SLC25A21: variants seen among roughly 807,000 people sequenced by gnomAD.
SLC25A21 encodes the protein mitochondrial 2-oxodicarboxylate carrier.
A neutral mutation model predicts 43.8 loss-of-function variants in SLC25A21; 47 were observed. The observed-to-expected ratio is 1.07, with a 90% CI of 0.85 to 1.37. The LOEUF is 1.37. Ranked by LOEUF, SLC25A21 falls within the 40% of genes most tolerant of loss-of-function variation. The pLI, the probability that SLC25A21 is intolerant of heterozygous loss-of-function variation, is 0.00. For missense variants in SLC25A21, 352 were observed against 350.2 expected (o/e 1.00, Z -0.04); for synonymous variants, 131 against 121.3 (o/e 1.08, Z -0.52).
chr14:36,783,037 C>G (rs1178948623), intron 3 of SLC25A21, among the ~76,000 whole-genome samples: 1 of 151,690 alleles, frequency 6.6e-6, no homozygotes, highest in African/African-American at 2.4e-5. Context: ...TGCATGCCTT[C>G]CCTTGATCCT....
chr14:36,908,919 G>C (rs534103643), intron 1 of SLC25A21, among the ~76,000 whole-genome samples: 2 of 152,146 alleles, frequency 1.3e-5, no homozygotes, highest in Non-Finnish European at 2.9e-5. Flanking sequence ...TGAGTCTCAG[G>C]GCTTCAGTGA....
intron 1 of SLC25A21, among the ~76,000 whole-genome samples, chr14:36,971,040 C>A (rs998194797): frequency 1.3e-5 from 2 of 152,080 alleles, no homozygotes; most frequent in African/African-American, 4.8e-5. Flanking sequence ...GATAAATAAG[C>A]AAATAAAGCT....
rs957077229 is a variant in SLC25A21, at chr14:36,874,542, C to T, written c.119+414G>A. Among the ~76,000 whole-genome samples the T allele has an allele frequency of 2.6e-5, 4 of 152,234 alleles. No homozygotes were observed. In the East Asian group the frequency reaches 7.7e-4, roughly 29 times the overall value. On this transcript the variant is annotated intron_variant, in intron 2 of 9. Transcript: ENST00000331299. ...GTAATAGGAATAAATTCTTTAAGCA[C>T]TATGTAAAAAGCTTACTTGAAATTT...
At chr14:37,016,205 G>T (rs1172732130) in intron 1 of SLC25A21, among the ~76,000 whole-genome samples, 3 of 152,086 alleles carry the variant, frequency 2.0e-5, no homozygotes, top group Non-Finnish European at 2.9e-5. Context: ...AATCCATCTT[G>T]AATTAATTTT....
chr14:36,844,194 C>G (rs754985748), intron 2 of SLC25A21, among the ~76,000 whole-genome samples: 24 of 152,170 alleles, frequency 1.6e-4, no homozygotes, highest in African/African-American at 2.7e-4. Context: ...GCATGCTAAT[C>G]CAGCATTAAT....
chr14:36,979,347 G>C lies in SLC25A21; in HGVS notation c.71-104343C>G, dbSNP rs1038639831. Among the ~76,000 whole-genome samples, 4 of 124,446 alleles carry C rather than the reference G, an allele frequency of 3.2e-5. No homozygotes were observed. The East Asian group carries it at 7.9e-4, about 25-fold the overall frequency. 81.6% of individuals were successfully genotyped at this position (124,446 alleles called of 152,430 possible). On this transcript the variant is annotated intron_variant, in intron 1 of 9. Coordinates refer to ENST00000331299, the MANE Select transcript of SLC25A21 (RefSeq NM_030631.4). ...TGTTTTTTTGGTTTTTTTTTTTACT[G>C]TTTTTGTTTGTTTGTTTGTTTGTTT...
chr14:36,964,976 C>G (rs907046605), intron 1 of SLC25A21, among the ~76,000 whole-genome samples: 1 of 151,990 alleles, frequency 6.6e-6, no homozygotes, highest in East Asian at 1.9e-4. Flanking sequence ...TCTAAATTAA[C>G]TGAAGGAATG....
At chr14:36,705,063 T>A (rs1161675981) in intron 7 of SLC25A21, among the ~76,000 whole-genome samples, 1 of 152,196 alleles carries the variant, frequency 6.6e-6, no homozygotes, top group Non-Finnish European at 1.5e-5. Context: ...CCGTTATTTT[T>A]TTTTTGAGAC....
In SLC25A21 at chr14:36,905,621, A is replaced by AT. The variant is rs112429306; in HGVS notation, c.71-30618dup. On this transcript the variant is annotated intron_variant, in intron 1 of 9. Transcript: ENST00000331299. ...ACTGTCACTTGATTACCCCGAAGGG[A>AT]TTTTTTTTTTTGTCTTTAAAATTGG... Among the ~76,000 whole-genome samples the AT allele has an allele frequency of 8.4e-3, 1,233 of 146,462 alleles. 24 individuals are homozygous for AT. The highest frequency in any genetic ancestry group is 0.028 in the African/African-American group (1,108 of 40,142).
At chr14:36,742,307 TAAAAC>T (rs1365783569) in intron 3 of SLC25A21, among the ~76,000 whole-genome samples, 1 of 152,182 alleles carries the variant, frequency 6.6e-6, no homozygotes, top group Non-Finnish European at 1.5e-5. Context: ...GTTCTGTAAT[TAAAAC>T]AACGAAGTCC....
rs1167376437 is a variant in SLC25A21 at position 36,919,649 on chromosome 14, A to ATCTATCTATCTATCTG, written c.71-44646_71-44645insCAGATAGATAGATAGA. 5.4e-3 allele frequency among the ~76,000 whole-genome samples: 803 copies of ATCTATCTATCTATCTG among 149,736 alleles called. 15 individuals are homozygous for ATCTATCTATCTATCTG. Among genetic ancestry groups the ATCTATCTATCTATCTG allele is most frequent in the African/African-American group, 0.019 (731 of 39,490 alleles). On this transcript the variant is annotated intron_variant, in intron 1 of 9. Coordinates refer to ENST00000331299, the MANE Select transcript of SLC25A21 (RefSeq NM_030631.4). Reference sequence around the variant, plus strand: ...TATCTATCTATCTATCTATCTATCTATCTATCTATCTATCTATCTCTATTT... The same window carrying ATCTATCTATCTATCTG: ...TATCTATCTATCTATCTATCTATCTATCTATCTATCTATCTGTCTATCTATCTATCTATCTCTATTT...
chr14:37,081,531 G>A (rs9671258), intron 1 of SLC25A21, among the ~76,000 whole-genome samples: 22,267 of 152,114 alleles, frequency 0.15, 5,352 homozygotes, highest in African/African-American at 0.5. Flanking sequence ...CAAGACTGTT[G>A]TATCAAACAG....
intron 2 of SLC25A21, among the ~76,000 whole-genome samples, chr14:36,839,202 C>A (rs1397590976): frequency 6.6e-6 from 1 of 152,150 alleles, no homozygotes; most frequent in Admixed American, 6.6e-5. Context: ...ATAATAGTGA[C>A]AAATTGTATT....
At chr14:36,741,881 G>A (rs1302105890) in intron 3 of SLC25A21, among the ~76,000 whole-genome samples, 3 of 152,216 alleles carry the variant, frequency 2.0e-5, no homozygotes, top group Non-Finnish European at 4.4e-5. Flanking sequence ...ATACCTAACA[G>A]AGTACAATTA....
intron 1 of SLC25A21, among the ~76,000 whole-genome samples, chr14:37,000,015 T>C (rs1181130111): frequency 5.9e-5 from 9 of 152,146 alleles, no homozygotes; most frequent in Non-Finnish European, 1.2e-4. Flanking sequence ...AATAAATGAA[T>C]AAAAGAAAAC....
At chr14:36,741,406 C>A (rs1200402801) in intron 3 of SLC25A21, among the ~76,000 whole-genome samples, 1 of 152,110 alleles carries the variant, frequency 6.6e-6, no homozygotes, top group South Asian at 2.1e-4. Context: ...TAAACTGATA[C>A]ATTAAAGAGA....
chr14:36,743,040 T>G (rs2139243925), intron 3 of SLC25A21, among the ~76,000 whole-genome samples: 1 of 152,274 alleles, frequency 6.6e-6, no homozygotes, highest in South Asian at 2.1e-4. Flanking sequence ...TAGCTGTCAG[T>G]ATCATTTAGG....
intron 1 of SLC25A21, among the ~76,000 whole-genome samples, chr14:37,165,214 T>C (rs892723881): frequency 6.6e-6 from 1 of 151,992 alleles, no homozygotes; most frequent in Non-Finnish European, 1.5e-5. Context: ...TCATCTCTAC[T>C]AAAAATACAA....
intron 7 of SLC25A21, among the ~76,000 whole-genome samples, chr14:36,695,741 T>C (rs1882989785): frequency 6.6e-6 from 1 of 152,230 alleles, no homozygotes. Context: ...TGCTTGTGAT[T>C]TTTGCACATT....
Sources: allele counts gnomAD v4.1 joint callset (sites outside exome capture counted in the v4.1 genomes callset), GRCh38; gene constraint gnomAD v4.1.1; transcripts MANE v1.5; gene names NCBI Gene and HGNC (gene_info 2026-07-23, HGNC 2026-07-21).